The following FANCC variants were observed in gnomAD, a reference collection of about 807,000 sequenced individuals.
FANCC encodes FA complementation group C.
A neutral mutation model predicts 71.3 loss-of-function variants in FANCC; 55 were observed. The observed-to-expected ratio is 0.77, with a 90% CI of 0.62 to 0.97. The LOEUF (loss-of-function observed/expected upper bound fraction) is 0.97, where lower values mean the gene tolerates loss of function less well. FANCC is among the 50% of genes least tolerant of loss of function. FANCC has a pLI of 0.00. For synonymous variants in FANCC, 275 were observed against 244.9 expected (o/e 1.12, Z -1.15); for missense variants, 678 against 670.9 (o/e 1.01, Z -0.12).
chr9:95,175,669 C>A (rs112911035), intron 4 of FANCC, among the ~76,000 whole-genome samples: 2 of 152,334 alleles, frequency 1.3e-5, no homozygotes, highest in African/African-American at 4.8e-5. Flanking sequence ...GTGCTTACTG[C>A]CAGCTGCGCT....
At chr9:95,144,989 A>G (rs577917272) in intron 7 of FANCC, among the ~76,000 whole-genome samples, 29 of 152,186 alleles carry the variant, frequency 1.9e-4, no homozygotes, top group Non-Finnish European at 3.7e-4. Context: ...AAAAAAGGCC[A>G]TTTTATTTTT....
chr9:95,141,985 GTTTTTTTTTTTT>G (rs1163083695), intron 7 of FANCC, among the ~76,000 whole-genome samples: 1 of 83,138 alleles, frequency 1.2e-5, no homozygotes, highest in Non-Finnish European at 2.1e-5. Context: ...AGTTTGTGGG[GTTTTTTTTTTTT>G]TTTTTTTTTT....
rs1247290212 is a variant in FANCC at position 95,289,376 on chromosome 9, G to A, written c.-79+28150C>T. Among the ~76,000 whole-genome samples, 3 of 152,070 alleles carry A rather than the reference G, an allele frequency of 2.0e-5. No individual in the cohort carries two copies. In the East Asian group the frequency reaches 5.8e-4, roughly 29 times the overall value. ...CGGAGTATTTGCACAACCAGTGGCT[G>A]GAGTAAGAACTGAAAAACCACACAA... On this transcript the variant is annotated intron_variant, in intron 1 of 14. Transcript: ENST00000289081.
chr9:95,122,839 A>G (rs1825278721), intron 10 of FANCC, among the ~76,000 whole-genome samples: 1 of 152,200 alleles, frequency 6.6e-6, no homozygotes, highest in African/African-American at 2.4e-5. Flanking sequence ...AGAATGCACA[A>G]GGGAGGCTCA....
intron 8 of FANCC, among the ~76,000 whole-genome samples, chr9:95,134,369 C>T (rs908489215): frequency 6.6e-6 from 1 of 152,160 alleles, no homozygotes; most frequent in Non-Finnish European, 1.5e-5. Context: ...ACCTCAGGGA[C>T]TTCCTCAGTC....
At position 95,211,313 on chromosome 9, in the gene FANCC, A is replaced by G. The variant is rs996600338; in HGVS notation, c.345+29336T>C. 1.3e-4 allele frequency among the ~76,000 whole-genome samples: 20 copies of G among 152,330 alleles called. No individual in the cohort carries two copies. In the South Asian group the frequency reaches 2.5e-3, roughly 19 times the overall value. Reference sequence around the variant, plus strand: ...GTCTGATAAGGCAAAGATAGCTACAATTTGAGAGCCAAGAGGAAACTAGAT... The same window carrying G: ...GTCTGATAAGGCAAAGATAGCTACAGTTTGAGAGCCAAGAGGAAACTAGAT... On this transcript the variant is annotated intron_variant, in intron 4 of 14. Transcript: ENST00000289081.
At chr9:95,286,090 A>G (rs1222305452) in intron 1 of FANCC, among the ~76,000 whole-genome samples, 1 of 152,204 alleles carries the variant, frequency 6.6e-6, no homozygotes, top group African/African-American at 2.4e-5. Context: ...GCTATATACA[A>G]TATGATTGCA....
chr9:95,315,676 A>G (rs1248210780), intron 1 of FANCC, among the ~76,000 whole-genome samples: 1 of 152,234 alleles, frequency 6.6e-6, no homozygotes, highest in Non-Finnish European at 1.5e-5. Flanking sequence ...CCCAGCCTAA[A>G]ATAAAACTTT....
intron 4 of FANCC, among the ~76,000 whole-genome samples, chr9:95,228,417 G>C (rs1374574228): frequency 6.6e-6 from 1 of 152,254 alleles, no homozygotes; most frequent in African/African-American, 2.4e-5. Context: ...GGTCAACTTT[G>C]TCCATTCTCT....
intron 4 of FANCC, among the ~76,000 whole-genome samples, chr9:95,196,762 G>A (rs778679636): frequency 1.3e-5 from 2 of 152,128 alleles, no homozygotes; most frequent in Non-Finnish European, 2.9e-5. Flanking sequence ...TTCCCTTCAA[G>A]ATCCCAACCT....
chr9:95,257,072 C>T (rs1398395026), intron 1 of FANCC, among the ~76,000 whole-genome samples: 1 of 152,138 alleles, frequency 6.6e-6, no homozygotes, highest in East Asian at 1.9e-4. Context: ...CTCAGACTCC[C>T]GCACAATAAC....
At chr9:95,127,691 A>T (rs892700544) in intron 8 of FANCC, among the ~76,000 whole-genome samples, 1 of 152,204 alleles carries the variant, frequency 6.6e-6, no homozygotes, top group Non-Finnish European at 1.5e-5. Context: ...AGCTTTGGGA[A>T]ACACTGTTCA....
At chr9:95,279,809 G>C (rs1833269819) in intron 1 of FANCC, among the ~76,000 whole-genome samples, 1 of 151,970 alleles carries the variant, frequency 6.6e-6, no homozygotes, top group Non-Finnish European at 1.5e-5. Flanking sequence ...TTAGCTGGCT[G>C]TGGTGGCAGG....
chr9:95,229,861 A>G (rs1414273253), intron 4 of FANCC, among the ~76,000 whole-genome samples: 2 of 152,192 alleles, frequency 1.3e-5, no homozygotes, highest in Non-Finnish European at 2.9e-5. Context: ...GTTCAAAATA[A>G]AACAAAATTC....
At chr9:95,314,801 A>G (rs1835641233) in intron 1 of FANCC, among the ~76,000 whole-genome samples, 1 of 152,228 alleles carries the variant, frequency 6.6e-6, no homozygotes, top group African/African-American at 2.4e-5. Flanking sequence ...AAATTACTAA[A>G]TACTGCTAAG....
intron 3 of FANCC, among the ~76,000 whole-genome samples, chr9:95,244,206 T>C (rs908795543): frequency 7.9e-5 from 12 of 152,216 alleles, no homozygotes; most frequent in South Asian, 2.1e-4. Context: ...ATCTTCAAGT[T>C]TGCCCCAGCA....
chr9:95,126,382 T>C (rs1011643668), intron 9 of FANCC, 147 bp downstream of exon 9: 25 of 777,282 alleles, frequency 3.2e-5, no homozygotes, highest in Non-Finnish European at 5.0e-5. Context: ...TACCTCTAAT[T>C]ACCAAAAAGC....
chr9:95,207,815 A>G (rs1181705855), intron 4 of FANCC, among the ~76,000 whole-genome samples: 1 of 152,198 alleles, frequency 6.6e-6, no homozygotes, highest in Non-Finnish European at 1.5e-5. Flanking sequence ...GAGGCTTAAT[A>G]TAACTTAACA....
At chr9:95,125,010 AGTGCTCTT>A in intron 10 of FANCC, 68 bp downstream of exon 10, 1 of 1,240,040 alleles carries the variant, frequency 8.1e-7, no homozygotes, top group Non-Finnish European at 1.2e-6. Context: ...TTGAAAATAA[AGTGCTCTT>A]GTCCAAAATA....
Sources: gnomAD v4.1 joint callset for allele counts (sites outside exome capture counted in the v4.1 genomes callset) on GRCh38, gnomAD v4.1.1 for gene constraint, MANE v1.5 for transcripts, NCBI Gene and HGNC (gene_info 2026-07-23, HGNC 2026-07-21) for gene names.